PIK3C2G: variants seen among roughly 807,000 people sequenced by gnomAD.
PIK3C2G encodes phosphatidylinositol-4-phosphate 3-kinase catalytic subunit type 2 gamma.
Under a neutral mutation model 181.1 loss-of-function variants are expected in PIK3C2G, and 168 were observed. That is an observed-to-expected ratio of 0.93 (90% CI 0.82 to 1.05). PIK3C2G has a LOEUF of 1.05. Among genes scored for constraint, PIK3C2G ranks in the 50% least tolerant of loss-of-function variants. The probability of loss-of-function intolerance (pLI) is 0.00; values close to 1 mark genes in which losing one functional copy is unlikely to be tolerated. For synonymous variants in PIK3C2G, 573 were observed against 592.2 expected (o/e 0.97, Z 0.47); for missense variants, 1,869 against 1,732.8 (o/e 1.08, Z -1.40).
chr12:18,520,790 G>A (rs1481880742), intron 24 of PIK3C2G, among the ~76,000 whole-genome samples: 1 of 152,098 alleles, frequency 6.6e-6, no homozygotes, highest in African/African-American at 2.4e-5. Flanking sequence ...TGTAGGAGAT[G>A]AGGCACTCTG....
intron 8 of PIK3C2G, 29 bp from the exon 9 acceptor site, chr12:18,338,397 T>C (rs2137593181): frequency 1.3e-6 from 2 of 1,483,404 alleles, no homozygotes; most frequent in Non-Finnish European, 1.9e-6. Flanking sequence ...TTTCAATAGA[T>C]TGTAAGATGT....
At chr12:18,277,745 TTGAA>T (rs555080318) in intron 1 of PIK3C2G, among the ~76,000 whole-genome samples, 75 of 152,268 alleles carry the variant, frequency 4.9e-4, no homozygotes, top group African/African-American at 1.6e-3. Flanking sequence ...CTGGAGTTGT[TTGAA>T]TGATATTTAC....
chr12:18,557,787 A>T (rs1016268604), intron 26 of PIK3C2G, among the ~76,000 whole-genome samples: 1 of 152,204 alleles, frequency 6.6e-6, no homozygotes, highest in African/African-American at 2.4e-5. Context: ...AAAAGTTAGT[A>T]CAAGATAGCA....
chr12:18,675,787 T>A, the PIK3C2G span, among the ~76,000 whole-genome samples: 1 of 151,852 alleles, frequency 6.6e-6, no homozygotes, highest in Non-Finnish European at 1.5e-5. Flanking sequence ...AAATACCACA[T>A]GTTCTCACTT....
chr12:18,352,683 A>G (rs1395854491), intron 11 of PIK3C2G, among the ~76,000 whole-genome samples: 4 of 152,312 alleles, frequency 2.6e-5, no homozygotes, highest in African/African-American at 9.6e-5. Context: ...TGGTAAATGC[A>G]GGAGATTTTA....
chr12:18,450,126 TTTTTTA>T (rs1947268234), intron 18 of PIK3C2G, among the ~76,000 whole-genome samples: 1 of 152,138 alleles, frequency 6.6e-6, no homozygotes, highest in Non-Finnish European at 1.5e-5. Flanking sequence ...AATAGCGTTG[TTTTTTA>T]TTTTTATTTT....
At chr12:18,685,162 T>C in the PIK3C2G span, among the ~76,000 whole-genome samples, 1 of 152,042 alleles carries the variant, frequency 6.6e-6, no homozygotes, top group African/African-American at 2.4e-5. Flanking sequence ...GAAAGCTAGA[T>C]AACAAACTAA....
At chr12:18,639,549 C>A (rs1379995422) in intron 31 of PIK3C2G, among the ~76,000 whole-genome samples, 1 of 152,140 alleles carries the variant, frequency 6.6e-6, no homozygotes, top group Non-Finnish European at 1.5e-5. Flanking sequence ...GTACCATTTA[C>A]TCTACAGTTG....
the PIK3C2G span, among the ~76,000 whole-genome samples, chr12:18,665,321 A>G: frequency 1.3e-4 from 20 of 152,242 alleles, no homozygotes; most frequent in South Asian, 3.9e-3. Context: ...TGGTAGTTGT[A>G]GAATGAGAAT....
the PIK3C2G span, chr12:18,705,080 C>T: frequency 6.6e-7 from 1 of 1,514,858 alleles, no homozygotes; most frequent in Non-Finnish European, 9.2e-7. Flanking sequence ...TCATTGGTCT[C>T]TAGCCCAGTT....
chr12:18,582,056 C>T (rs1364687690), intron 29 of PIK3C2G, among the ~76,000 whole-genome samples: 3 of 151,884 alleles, frequency 2.0e-5, no homozygotes, highest in Non-Finnish European at 4.4e-5. Flanking sequence ...CTGGATTAAG[C>T]AAAAATGGGT....
intron 22 of PIK3C2G, among the ~76,000 whole-genome samples, chr12:18,500,576 C>T (rs1033495236): frequency 6.6e-6 from 1 of 152,170 alleles, no homozygotes; most frequent in African/African-American, 2.4e-5. Context: ...AGCCCCAATG[C>T]GAGATCCACT....
intron 1 of PIK3C2G, among the ~76,000 whole-genome samples, chr12:18,263,566 C>G (rs934072465): frequency 1.3e-5 from 2 of 152,086 alleles, no homozygotes; most frequent in African/African-American, 4.8e-5. Flanking sequence ...ATTTAAATTT[C>G]AAATGAATTA....
At position 18,282,773 on chromosome 12, in the gene PIK3C2G, A is replaced by C. The variant is rs757329312; in HGVS notation, c.678+14A>C. 6.2e-6 allele frequency: 9 copies of C among 1,458,102 alleles called. No homozygotes were observed. The highest frequency in any genetic ancestry group is 4.5e-5 in the Admixed American group (2 of 44,434). The allele number at this position is 1,458,102 out of a possible 1,614,324, so 90.3% of individuals were successfully genotyped here. On this transcript the variant is annotated intron_variant, in intron 2 of 32. Coordinates refer to ENST00000538779, the MANE Select transcript of PIK3C2G (RefSeq NM_001288772.2). ...AAGAATATAGAGGTAAGTATAATAC[A>C]TGTCAATGTAAAAATATGAATCTGA...
chr12:18,374,571 A>G (rs2137903873), intron 13 of PIK3C2G, among the ~76,000 whole-genome samples: 1 of 152,336 alleles, frequency 6.6e-6, no homozygotes, highest in African/African-American at 2.4e-5. Flanking sequence ...TCTGAGCTTT[A>G]ACTACCTTAC....
At chr12:18,438,507 C>A (rs533224781) in intron 18 of PIK3C2G, among the ~76,000 whole-genome samples, 221 of 151,958 alleles carry the variant, frequency 1.5e-3, no homozygotes, top group Admixed American at 5.4e-3. Flanking sequence ...TAATGCTAGA[C>A]ACTATGGTAG....
At position 18,588,528 on chromosome 12, in the gene PIK3C2G, C is replaced by A. The variant is rs535731419; in HGVS notation, c.4012-5966C>A. 5.3e-5 allele frequency among the ~76,000 whole-genome samples: 8 copies of A among 152,174 alleles called. No individual in the cohort carries two copies. In the South Asian group the frequency reaches 1.7e-3, roughly 32 times the overall value. On this transcript the variant is annotated intron_variant, in intron 29 of 32. Transcript: ENST00000538779. ...CACTGATCATTACAGAAATGCAAATCAAAACCAGTGAGGTACCATCTTACA... is the reference window on the plus strand; with the variant it reads ...CACTGATCATTACAGAAATGCAAATAAAAACCAGTGAGGTACCATCTTACA...
intron 26 of PIK3C2G, among the ~76,000 whole-genome samples, chr12:18,552,955 A>C (rs1944810167): frequency 6.6e-6 from 1 of 152,140 alleles, no homozygotes; most frequent in Non-Finnish European, 1.5e-5. Context: ...AAAGGTTAAA[A>C]GCATTTGAAA....
upstream of PIK3C2G, among the ~76,000 whole-genome samples, chr12:18,243,407 G>C (rs74827211): frequency 9.5e-3 from 1,451 of 152,052 alleles, 30 homozygotes; most frequent in African/African-American, 0.032. Flanking sequence ...TTCTGTTAGA[G>C]ATGGCACCAT....
Sources: gnomAD v4.1 joint callset for allele counts (sites outside exome capture counted in the v4.1 genomes callset) on GRCh38, gnomAD v4.1.1 for gene constraint, MANE v1.5 for transcripts, NCBI Gene and HGNC (gene_info 2026-07-23, HGNC 2026-07-21) for gene names.